Variants in SH3RF3 observed in about 807,000 individuals in gnomAD.
SH3RF3 encodes E3 ubiquitin-protein ligase SH3RF3.
A neutral mutation model predicts 66.3 loss-of-function variants in SH3RF3; 29 were observed. The ratio of observed to expected loss-of-function variants is 0.44; its 90% confidence interval spans 0.33 to 0.60. The LOEUF is 0.60. Ranked by LOEUF, SH3RF3 falls within the 20% of genes least tolerant of loss-of-function variation. The pLI is 0.04. For synonymous variants in SH3RF3, 583 were observed against 532.0 expected (o/e 1.10, Z -1.32); for missense variants, 1,194 against 1,190.9 (o/e 1.00, Z -0.04).
At chr2:109,370,494 C>T (rs563347937) in intron 2 of SH3RF3, among the ~76,000 whole-genome samples, 2 of 152,236 alleles carry the variant, frequency 1.3e-5, no homozygotes, top group East Asian at 3.9e-4. Flanking sequence ...CCGCCTCGAC[C>T]TCCCAAAGTG....
intron 1 of SH3RF3, among the ~76,000 whole-genome samples, chr2:109,165,312 C>T (rs896221731): frequency 4.6e-5 from 7 of 152,178 alleles, no homozygotes; most frequent in East Asian, 1.9e-4. Context: ...CCACTGTTTG[C>T]GTTTTCTCAT....
At chr2:109,227,278 A>G (rs1000159887) in intron 1 of SH3RF3, among the ~76,000 whole-genome samples, 1 of 152,184 alleles carries the variant, frequency 6.6e-6, no homozygotes, top group African/African-American at 2.4e-5. Context: ...CTGTAGCTAG[A>G]AGAAGCTCTG....
At chr2:109,383,197 G>A (rs1041692111) in intron 3 of SH3RF3, among the ~76,000 whole-genome samples, 5 of 152,236 alleles carry the variant, frequency 3.3e-5, no homozygotes, top group Non-Finnish European at 7.3e-5. Flanking sequence ...GGCACTGGGT[G>A]CCTGTAGGAT....
At position 109,191,473 on chromosome 2, in the gene SH3RF3, T is replaced by C. The variant is rs149769454; in HGVS notation, c.573+61360T>C. On this transcript the variant is annotated intron_variant, in intron 1 of 9. Transcript: ENST00000309415. ...GTTTGGGTGCGGCCAGGCTGTATTG[T>C]TGAGTGATTCATCTTCCATCCTCAT... Among the ~76,000 whole-genome samples the C allele has an allele frequency of 6.6e-5, 10 of 152,320 alleles. No individual in the cohort carries two copies. In the East Asian group the frequency reaches 1.9e-3, roughly 29 times the overall value.
intron 1 of SH3RF3, among the ~76,000 whole-genome samples, chr2:109,341,312 C>G (rs1682549148): frequency 6.6e-6 from 1 of 152,176 alleles, no homozygotes; most frequent in African/African-American, 2.4e-5. Flanking sequence ...CGGATTAAAT[C>G]TATAAAGTGG....
At chr2:109,187,757 A>G (rs972348400) in intron 1 of SH3RF3, among the ~76,000 whole-genome samples, 1 of 152,090 alleles carries the variant, frequency 6.6e-6, no homozygotes, top group African/African-American at 2.4e-5. Context: ...ATATGTCTGT[A>G]TGTCCACACA....
At chr2:109,242,629 G>C (rs1242172267) in intron 1 of SH3RF3, among the ~76,000 whole-genome samples, 1 of 152,230 alleles carries the variant, frequency 6.6e-6, no homozygotes, top group African/African-American at 2.4e-5. Flanking sequence ...TTACTGGGCT[G>C]TGCCTACCTT....
At chr2:109,179,017 G>GTGTGTA (rs1344902665) in intron 1 of SH3RF3, among the ~76,000 whole-genome samples, 3 of 151,738 alleles carry the variant, frequency 2.0e-5, no homozygotes, top group Admixed American at 6.6e-5. Context: ...GTGTGTGTGT[G>GTGTGTA]TGTGTGTGTG....
At chr2:109,234,932 T>G (rs1257392807) in intron 1 of SH3RF3, among the ~76,000 whole-genome samples, 1 of 152,218 alleles carries the variant, frequency 6.6e-6, no homozygotes. Context: ...GTATCTGAGT[T>G]GTTGTATGAG....
intron 9 of SH3RF3, among the ~76,000 whole-genome samples, chr2:109,499,353 G>A (rs1004010420): frequency 6.6e-6 from 1 of 152,222 alleles, no homozygotes; most frequent in African/African-American, 2.4e-5. Flanking sequence ...GGGGTTTTTA[G>A]GCAGAGAGAA....
chr2:109,419,034 G>A (rs537325502), intron 4 of SH3RF3, among the ~76,000 whole-genome samples: 2 of 152,194 alleles, frequency 1.3e-5, no homozygotes, highest in South Asian at 2.1e-4. Flanking sequence ...GGAGCACTTT[G>A]GGGTCTTGGG....
chr2:109,372,308 C>G (rs1303993938), intron 3 of SH3RF3, among the ~76,000 whole-genome samples: 1 of 152,208 alleles, frequency 6.6e-6, no homozygotes, highest in Non-Finnish European at 1.5e-5. Flanking sequence ...ACACGTGTGT[C>G]TTTAAAACAC....
chr2:109,475,373 C>T (rs867177750), intron 8 of SH3RF3, among the ~76,000 whole-genome samples: 12 of 152,346 alleles, frequency 7.9e-5, no homozygotes, highest in Admixed American at 2.6e-4. Flanking sequence ...AGCAAACCCA[C>T]GCAAAGTGGC....
intron 1 of SH3RF3, among the ~76,000 whole-genome samples, chr2:109,282,268 G>T (rs534164952): frequency 6.6e-6 from 1 of 152,264 alleles, no homozygotes; most frequent in Non-Finnish European, 1.5e-5. Flanking sequence ...TTTGAGAAAT[G>T]AGTGTAGATC....
At chr2:109,181,630 C>T (rs1006699504) in intron 1 of SH3RF3, among the ~76,000 whole-genome samples, 1 of 152,210 alleles carries the variant, frequency 6.6e-6, no homozygotes, top group African/African-American at 2.4e-5. Context: ...TAAGGACCTG[C>T]AGTAGATGCC....
Position 109,432,313 on chromosome 2 carries a change from G to A in SH3RF3, c.1404-188G>A, listed in dbSNP as rs79929721. ...CAGCTCCCCGAAGGCTCCCTGCCTCGTGGGTTTGTTATGAGGAGTGAGCTG... is the reference window on the plus strand; with the variant it reads ...CAGCTCCCCGAAGGCTCCCTGCCTCATGGGTTTGTTATGAGGAGTGAGCTG... On this transcript the variant is annotated intron_variant, in intron 5 of 9. Coordinates refer to ENST00000309415, the MANE Select transcript of SH3RF3 (RefSeq NM_001099289.3). 3.5e-3 allele frequency among the ~76,000 whole-genome samples: 526 copies of A among 152,284 alleles called. 19 individuals carry two copies. In the East Asian group the frequency reaches 0.061, roughly 18 times the overall value.
At chr2:109,248,887 TTCCTGTCCTGTCCTG>T (rs149003864) in intron 1 of SH3RF3, among the ~76,000 whole-genome samples, 63,459 of 145,790 alleles carry the variant, frequency 0.44, 13,758 homozygotes, top group South Asian at 0.46. Context: ...TTCCTGTCCT[TTCCTGTCCTGTCCTG>T]TCCTGTCCTG....
At chr2:109,161,233 A>G (rs774776891) in intron 1 of SH3RF3, among the ~76,000 whole-genome samples, 6 of 152,204 alleles carry the variant, frequency 3.9e-5, no homozygotes, top group African/African-American at 9.7e-5. Context: ...TCCCCACCTT[A>G]TAAGTCAGGC....
chr2:109,442,589 A>G (rs1448631396), intron 7 of SH3RF3, among the ~76,000 whole-genome samples: 1 of 152,218 alleles, frequency 6.6e-6, no homozygotes, highest in African/African-American at 2.4e-5. Context: ...AAGTTTGGGA[A>G]GGGAGAAGTG....
Sources: allele counts gnomAD v4.1 joint callset (sites outside exome capture counted in the v4.1 genomes callset), GRCh38; gene constraint gnomAD v4.1.1; transcripts MANE v1.5; gene names NCBI Gene and HGNC (gene_info 2026-07-23, HGNC 2026-07-21).